PLEKHM2: variants seen among roughly 807,000 people sequenced by gnomAD.
PLEKHM2 encodes pleckstrin homology and RUN domain containing M2.
In PLEKHM2, 77 loss-of-function variants were observed where a neutral mutation model predicts 116.3. That is an observed-to-expected ratio of 0.66 (90% CI 0.55 to 0.80). The LOEUF (loss-of-function observed/expected upper bound fraction) is 0.80. Among genes scored for constraint, PLEKHM2 ranks in the 30% least tolerant of loss-of-function variants. The pLI is 0.00. For synonymous variants in PLEKHM2, 562 were observed against 571.0 expected, an observed-to-expected ratio of 0.98 and a Z score of 0.22; for missense variants, 1,183 against 1,354.9, an observed-to-expected ratio of 0.87 and a Z score of 1.99.
chr1:15,716,026 G>T (rs1185733365), intron 1 of PLEKHM2, among the ~76,000 whole-genome samples: 1 of 152,204 alleles, frequency 6.6e-6, no homozygotes, highest in Non-Finnish European at 1.5e-5. Flanking sequence ...TGCCTCTGGG[G>T]GACTGGGCTG....
rs538726793 is a variant in PLEKHM2 at position 15,709,647 on chromosome 1, A to G, written c.61-6590A>G. ...CACTTTGGACCCGGGTTTCCTGCCT[A>G]CGGAGCCTTCTCTCTCCACCACCGT... On this transcript the variant is annotated intron_variant, in intron 1 of 19. Coordinates refer to ENST00000375799, the MANE Select transcript of PLEKHM2 (RefSeq NM_015164.4). Among the ~76,000 whole-genome samples the G allele has an allele frequency of 1.1e-4, 16 of 152,260 alleles. No homozygotes were observed. In the East Asian group the frequency reaches 3.1e-3, roughly 29 times the overall value.
intron 15 of PLEKHM2, 51 bp downstream of exon 15, chr1:15,730,773 G>C: frequency 6.8e-7 from 1 of 1,463,372 alleles, no homozygotes; most frequent in African/African-American, 1.4e-5. Context: ...GGGGTGGCTG[G>C]GCTGTCAGGT....
rs145318826 is a variant in PLEKHM2, at chr1:15,702,354, G to A, written c.61-13883G>A. Among the ~76,000 whole-genome samples the A allele has an allele frequency of 6.6e-5, 10 of 152,198 alleles. No individual in the cohort carries two copies. The East Asian group carries it at 1.5e-3, about 24-fold the overall frequency. ...TTATTTAGCTGTGGCCATCGTGGAT[G>A]TAATCCTTAAAGAGGTGATTGGAGG... On this transcript the variant is annotated intron_variant, in intron 1 of 19. Transcript: ENST00000375799.
At chr1:15,723,614 C>T (rs2148365762) in intron 7 of PLEKHM2, among the ~76,000 whole-genome samples, 1 of 152,142 alleles carries the variant, frequency 6.6e-6, no homozygotes, top group East Asian at 1.9e-4. Flanking sequence ...GTGGTGCACG[C>T]CTATAGTCCC....
At chr1:15,715,725 A>G (rs1272886804) in intron 1 of PLEKHM2, among the ~76,000 whole-genome samples, 1 of 152,264 alleles carries the variant, frequency 6.6e-6, no homozygotes, top group African/African-American at 2.4e-5. Flanking sequence ...AAAGGAAAAG[A>G]TGGACAGATT....
Position 15,721,259 on chromosome 1 carries a change from C to A in PLEKHM2, c.653-70C>A. 4 of 881,000 alleles carry A rather than the reference C, an allele frequency of 4.5e-6. No homozygotes were observed. The highest frequency in any genetic ancestry group is 2.9e-5 in the South Asian group (2 of 69,556). 54.6% of individuals were successfully genotyped at this position (881,000 alleles called of 1,614,324 possible). On this transcript the variant is annotated intron_variant, in intron 6 of 19. Transcript: ENST00000375799. The surrounding 1 kb of genome is among the most constrained non-coding windows in gnomAD (Gnocchi z 5.1). ...CCCCATGTCTCCCACCCCATTTCCC[C>A]TCCCCTCCCTCCAGTCATCCTTCCA...
At chr1:15,718,743 G>A in intron 5 of PLEKHM2, 118 bp downstream of exon 5, 1 of 667,452 alleles carries the variant, frequency 1.5e-6, no homozygotes, top group Admixed American at 2.4e-5. Flanking sequence ...AGTATGACTG[G>A]GCTTGAGCAA....
chr1:15,721,194 A>G lies in PLEKHM2; in HGVS notation c.653-135A>G. 1.5e-6 allele frequency: 1 copy of G among 657,626 alleles called. No homozygotes were observed. 40.7% of individuals were successfully genotyped at this position (657,626 alleles called of 1,614,324 possible). On this transcript the variant is annotated intron_variant, in intron 6 of 19. Transcript: ENST00000375799. This position sits in a 1 kb window ranked among gnomAD's most constrained non-coding sequence, Gnocchi z 5.1. ...TAGTAAGTTTCCCCAAGGTTGTTGG[A>G]TACAATGTAGAAAGTTGAAGTTTTC...
chr1:15,722,813 A>G (rs1307713551), intron 7 of PLEKHM2: 1 of 152,106 alleles, frequency 6.6e-6, no homozygotes, highest in Non-Finnish European at 1.5e-5. Context: ...TTCTTGCAGC[A>G]CACATGCTGG....
intron 3 of PLEKHM2, among the ~76,000 whole-genome samples, chr1:15,717,684 T>C (rs915615955): frequency 6.6e-6 from 1 of 152,200 alleles, no homozygotes; most frequent in African/African-American, 2.4e-5. Context: ...CAGTCTGCCC[T>C]CTTTATCAGA....
At chr1:15,710,964 C>A (rs931002041) in intron 1 of PLEKHM2, among the ~76,000 whole-genome samples, 1 of 152,072 alleles carries the variant, frequency 6.6e-6, no homozygotes, top group Non-Finnish European at 1.5e-5. Context: ...CACCTGAGGT[C>A]TGGAGTTTGA....
intron 1 of PLEKHM2, among the ~76,000 whole-genome samples, chr1:15,705,858 G>A (rs900170663): frequency 2.0e-5 from 3 of 152,102 alleles, no homozygotes; most frequent in East Asian, 1.9e-4. Context: ...TTGGGAGGCC[G>A]AGGTGGGTGG....
intron 1 of PLEKHM2, among the ~76,000 whole-genome samples, chr1:15,701,919 C>T (rs1482765410): frequency 6.6e-6 from 1 of 152,226 alleles, no homozygotes; most frequent in Non-Finnish European, 1.5e-5. Flanking sequence ...GAGGCTGCGC[C>T]TGAAGCTGCA....
chr1:15,694,655 T>C (rs1640955466), intron 1 of PLEKHM2, among the ~76,000 whole-genome samples: 1 of 152,180 alleles, frequency 6.6e-6, no homozygotes, highest in Non-Finnish European at 1.5e-5. Flanking sequence ...CTATCCGTTA[T>C]TGAAACCATC....
chr1:15,726,280 G>C (rs1253744891), intron 8 of PLEKHM2, among the ~76,000 whole-genome samples: 1 of 152,206 alleles, frequency 6.6e-6, no homozygotes, highest in African/African-American at 2.4e-5. Flanking sequence ...GAAGGACATG[G>C]TGGGTGGCCA....
chr1:15,727,857 G>A lies in PLEKHM2; in HGVS notation c.1760+25G>A. On this transcript the variant is annotated intron_variant, in intron 9 of 19. Transcript: ENST00000375799. The surrounding 1 kb of genome is among the most constrained non-coding windows in gnomAD (Gnocchi z 7.5). ...GGTAACAAGACTCTGCAGCTGGCATGGGACTCTCCCAGCCCTTGAAGCTGG... is the reference window on the plus strand; with the variant it reads ...GGTAACAAGACTCTGCAGCTGGCATAGGACTCTCCCAGCCCTTGAAGCTGG... 6.6e-7 allele frequency: 1 copy of A among 1,507,886 alleles called. No individual in the cohort carries two copies. The highest frequency in any genetic ancestry group is 2.4e-5 in the East Asian group (1 of 41,562). 93.4% of individuals were successfully genotyped at this position (1,507,886 alleles called of 1,614,324 possible). A position where few individuals can be genotyped will look rare whatever the true frequency, so the allele number is the denominator to read the frequency against.
intron 1 of PLEKHM2, among the ~76,000 whole-genome samples, chr1:15,711,622 A>G (rs1361643118): frequency 1.3e-5 from 2 of 151,902 alleles, no homozygotes; most frequent in Non-Finnish European, 2.9e-5. Context: ...ATCTCAAAAA[A>G]AAAAAAGAAA....
At chr1:15,693,817 A>C (rs1269120213) in intron 1 of PLEKHM2, among the ~76,000 whole-genome samples, 1 of 152,214 alleles carries the variant, frequency 6.6e-6, no homozygotes, top group African/African-American at 2.4e-5. Flanking sequence ...GTGGAAAGGC[A>C]AGAGCTGGTG....
rs762040707 is a variant in PLEKHM2, at chr1:15,725,477, C to G, written c.873C>G (p.Thr291=). Reference sequence around the variant, plus strand: ...CTGACACCACCCCCGTGCACACCACCTCTCAGGAGAAGGAGGAGGCCCAGG... The same window carrying G: ...CTGACACCACCCCCGTGCACACCACGTCTCAGGAGAAGGAGGAGGCCCAGG... ...SSSDTTPVHT[T]SQEKEEAQAL... is the part of the protein sequence containing the mutation. The change falls in exon 8 of 20, where the codon ACC becomes ACG. Residue 291 remains threonine (T), a synonymous_variant. Coordinates refer to ENST00000375799, the MANE Select transcript of PLEKHM2 (RefSeq NM_015164.4). The G allele has an allele frequency of 6.3e-6, 10 of 1,580,858 alleles. No individual in the cohort carries two copies. Among genetic ancestry groups the G allele is most frequent in the Non-Finnish European group, 7.7e-6 (9 of 1,164,436 alleles).
Sources: gnomAD v4.1 joint callset for allele counts (sites outside exome capture counted in the v4.1 genomes callset) on GRCh38, gnomAD v4.1.1 for gene constraint, Gnocchi (gnomAD v3.1) non-coding constraint, MANE v1.5 for transcripts, NCBI Gene and HGNC (gene_info 2026-07-23, HGNC 2026-07-21) for gene names.